Variants in TGM2 observed in about 807,000 individuals in gnomAD.
TGM2 encodes the protein transglutaminase 2.
TGM2 carries 53 observed loss-of-function variants against 75.6 expected under a neutral mutation model. That is an observed-to-expected ratio of 0.70 (90% CI 0.56 to 0.88). The LOEUF is 0.88. Among genes scored for constraint, TGM2 ranks in the 40% least tolerant of loss-of-function variants. The pLI is 0.00. For missense variants in TGM2, 842 were observed against 928.5 expected (o/e 0.91, Z 1.21); for synonymous variants, 374 against 381.1 (o/e 0.98, Z 0.22).
intron 6 of TGM2, among the ~76,000 whole-genome samples, chr20:38,144,159 G>A (rs1214574194): frequency 6.6e-6 from 1 of 152,168 alleles, no homozygotes; most frequent in Non-Finnish European, 1.5e-5. Context: ...TGTCCCGGGA[G>A]GCCTCCTCAT....
At chr20:38,152,264 G>A (rs1023755887) in intron 3 of TGM2, among the ~76,000 whole-genome samples, 6 of 152,272 alleles carry the variant, frequency 3.9e-5, no homozygotes, top group South Asian at 2.1e-4. Flanking sequence ...AGCAGCTGCC[G>A]GCCCCTCAGA....
In TGM2 at chr20:38,127,599, C is replaced by T. The variant is rs993956017; in HGVS notation, c.*2620G>A. 2 of 153,030 alleles carry T rather than the reference C, an allele frequency of 1.3e-5. No homozygotes were observed. Among genetic ancestry groups the T allele is most frequent in the Admixed American group, 1.3e-4 (2 of 15,274 alleles). The allele number at this position is 153,030 out of a possible 1,614,324, so 9.5% of individuals were successfully genotyped here. ...ATCCAGTACTAGCCAGACTGGCTAC[C>T]GAGCACTTGAAATGCAGCTAGTTCA... On this transcript the variant is annotated 3_prime_UTR_variant, in exon 13 of 13. Transcript: ENST00000361475.
rs1419509873 is a variant in TGM2 at position 38,127,791 on chromosome 20, G to A, written c.*2428C>T. The stretch of plus-strand genomic sequence containing the variant: ...CATTATTAAAGCTAATTCCACCTAT[G>A]GCTTTTTTACTGTTTTCAATGTGGT... On this transcript the variant is annotated 3_prime_UTR_variant, in exon 13 of 13. Transcript: ENST00000361475. 6.6e-6 allele frequency: 1 copy of A among 152,140 alleles called. No homozygotes were observed. Among genetic ancestry groups the A allele is most frequent in the African/African-American group, 2.4e-5 (1 of 41,418 alleles). 9.4% of individuals were successfully genotyped at this position (152,140 alleles called of 1,614,324 possible).
At position 38,146,596 on chromosome 20, in the gene TGM2, A is replaced by G; in HGVS notation, c.859+121T>C. The G allele has an allele frequency of 2.5e-6, 3 of 1,180,474 alleles. No homozygotes were observed. The South Asian group carries it at 3.8e-5, about 15-fold the overall frequency. The allele number at this position is 1,180,474 out of a possible 1,614,324, so 73.1% of individuals were successfully genotyped here. ...GGTGGTCACAGGCTCTAGGCCACAT[A>G]GCGCATTGAGAGTGTTGGTGGCAGG... On this transcript the variant is annotated intron_variant, in intron 6 of 12. Coordinates refer to ENST00000361475, the MANE Select transcript of TGM2 (RefSeq NM_004613.4).
At chr20:38,134,349 A>G (rs2074871511) in intron 10 of TGM2, among the ~76,000 whole-genome samples, 1 of 152,212 alleles carries the variant, frequency 6.6e-6, no homozygotes, top group Non-Finnish European at 1.5e-5. Flanking sequence ...AGGACAAAAG[A>G]GGGTGAAAAT....
chr20:38,144,145 G>A (rs1396871893), intron 6 of TGM2, among the ~76,000 whole-genome samples: 1 of 152,184 alleles, frequency 6.6e-6, no homozygotes, highest in African/African-American at 2.4e-5. Context: ...TGCCCCAGGG[G>A]TGGTGTCCCG....
At chr20:38,131,062 A>T (rs2074823378) in intron 12 of TGM2, 31 bp downstream of exon 12, 1 of 1,609,440 alleles carries the variant, frequency 6.2e-7, no homozygotes, top group Non-Finnish European at 8.5e-7. Context: ...CGCTTCCCCC[A>T]GGCCCCAAAG....
upstream of TGM2, among the ~76,000 whole-genome samples, chr20:38,167,596 C>G (rs1224976989): frequency 2.6e-5 from 4 of 152,190 alleles, no homozygotes; most frequent in African/African-American, 9.7e-5. Flanking sequence ...GCCTCGACCT[C>G]CCAAAGTGCT....
chr20:38,140,614 T>C (rs575706823), intron 8 of TGM2, among the ~76,000 whole-genome samples: 4 of 152,328 alleles, frequency 2.6e-5, no homozygotes, highest in African/African-American at 9.6e-5. Context: ...ATTACAACCT[T>C]ACAGCTGTCC....
chr20:38,145,952 T>A (rs2122903607), intron 6 of TGM2: 1 of 152,038 alleles, frequency 6.6e-6, no homozygotes, highest in African/African-American at 2.4e-5. Context: ...ATTTTATTTT[T>A]TTGTAGAGAC....
chr20:38,144,178 C>T (rs1268026869), intron 6 of TGM2, among the ~76,000 whole-genome samples: 5 of 152,208 alleles, frequency 3.3e-5, no homozygotes, highest in Admixed American at 3.3e-4. Flanking sequence ...ATCAGTCTAA[C>T]AGGAGGCTGC....
At chr20:38,134,464 C>G (rs1411134438) in intron 10 of TGM2, among the ~76,000 whole-genome samples, 1 of 152,136 alleles carries the variant, frequency 6.6e-6, no homozygotes, top group Non-Finnish European at 1.5e-5. Flanking sequence ...GCCCAACTGT[C>G]GACTATTCTA....
chr20:38,165,464 C>T (rs1034025868), upstream of TGM2: 3 of 561,380 alleles, frequency 5.3e-6, no homozygotes, highest in African/African-American at 6.0e-5. Context: ...CCTGGGGGAG[C>T]GGACAGGGAC....
At position 38,153,528 on chromosome 20, in the gene TGM2, A is replaced by AAAAAAAAAAAAAAAAAAAG. The variant is rs56670550; in HGVS notation, c.433+2318_433+2319insCTTTTTTTTTTTTTTTTTT. ...TGACAGAGAGAGCCTTGGTCTCAAAAAAAAGAAAAAAAAAAAAAGAATGAA... is the reference window on the plus strand; with the variant it reads ...TGACAGAGAGAGCCTTGGTCTCAAAAAAAAAAAAAAAAAAAAAAGAAAAGAAAAAAAAAAAAAGAATGAA... On this transcript the variant is annotated intron_variant, in intron 3 of 12. Transcript: ENST00000361475. Among the ~76,000 whole-genome samples, 289 of 125,176 alleles carry AAAAAAAAAAAAAAAAAAAG rather than the reference A, an allele frequency of 2.3e-3. 5 individuals carry two copies. Among genetic ancestry groups the AAAAAAAAAAAAAAAAAAAG allele is most frequent in the South Asian group, 0.012 (47 of 3,794 alleles). The allele number at this position is 125,176 out of a possible 152,430, so 82.1% of individuals were successfully genotyped here.
At chr20:38,134,190 C>G (rs1424899202) in intron 10 of TGM2, among the ~76,000 whole-genome samples, 2 of 152,144 alleles carry the variant, frequency 1.3e-5, no homozygotes, top group East Asian at 3.9e-4. Flanking sequence ...AACCTTTGAC[C>G]GTGAACACTG....
intron 6 of TGM2, chr20:38,145,762 C>CTCTTTT (rs1482964956): frequency 3.2e-5 from 3 of 94,670 alleles, no homozygotes; most frequent in African/African-American, 1.4e-4. Context: ...TGCTCTCTCT[C>CTCTTTT]TTTTTTTTTT....
intron 9 of TGM2, 86 bp from the exon 10 acceptor site, chr20:38,138,471 G>A: frequency 3.1e-6 from 5 of 1,605,332 alleles, no homozygotes; most frequent in South Asian, 2.2e-5. Flanking sequence ...TCTTCGCAGA[G>A]GCCTGATGAC....
intron 7 of TGM2, 92 bp downstream of exon 7, chr20:38,141,971 TC>T: frequency 6.6e-7 from 1 of 1,524,878 alleles, no homozygotes; most frequent in Non-Finnish European, 9.1e-7. Context: ...AAGGCCCAAT[TC>T]AAATGTGACC....
rs527497535 is a variant in TGM2, at chr20:38,141,376, G to A, written c.1005C>T (p.His335=). ...GDKSEMIWNF[H]CWVESWMTRP... ...TGGTCATCCACGACTCCACCCAGCA[G>A]TGGAAGTTCCTGAGGGGGATAGGGG... Residue 335 remains histidine (H), a synonymous_variant, in exon 8 of 13, where the codon CAC becomes CAT. Coordinates refer to ENST00000361475, the MANE Select transcript of TGM2 (RefSeq NM_004613.4). The A allele has an allele frequency of 1.2e-5, 19 of 1,581,778 alleles. No homozygotes were observed. In the South Asian group the frequency reaches 1.9e-4, roughly 15 times the overall value.
Sources: gnomAD v4.1 joint callset for allele counts (sites outside exome capture counted in the v4.1 genomes callset) on GRCh38, gnomAD v4.1.1 for gene constraint, MANE v1.5 for transcripts, NCBI Gene and HGNC (gene_info 2026-07-23, HGNC 2026-07-21) for gene names.